The following ARHGEF38 variants were observed in gnomAD, a reference collection of about 807,000 sequenced individuals.
ARHGEF38 encodes the protein Rho guanine nucleotide exchange factor 38, also known as Rho guanine nucleotide exchange factor (GEF) 38.
ARHGEF38 carries 79 observed loss-of-function variants against 79.9 expected under a neutral mutation model. The ratio of observed to expected loss-of-function variants is 0.99; its 90% confidence interval spans 0.82 to 1.19. ARHGEF38 has a LOEUF of 1.19. Among genes scored for constraint, ARHGEF38 ranks in the 50% most tolerant of loss-of-function variants. The pLI, the probability that ARHGEF38 is intolerant of heterozygous loss-of-function variation, is 0.00. For missense variants in ARHGEF38, 962 were observed against 907.2 expected, an observed-to-expected ratio of 1.06 and a Z score of -0.78; for synonymous variants, 366 against 328.3, an observed-to-expected ratio of 1.11 and a Z score of -1.24.
chr4:105,561,439 A>AGAATAGAATAGAATAGAATAGAATG (rs1725557117), intron 1 of ARHGEF38, among the ~76,000 whole-genome samples: 1 of 44,682 alleles, frequency 2.2e-5, no homozygotes, highest in Admixed American at 2.8e-4. Flanking sequence ...AGAATAGAAT[A>AGAATAGAATAGAATAGAATAGAATG]GAATAGAATG....
intron 1 of ARHGEF38, among the ~76,000 whole-genome samples, chr4:105,568,516 T>G (rs939795627): frequency 6.6e-6 from 1 of 152,194 alleles, no homozygotes. Context: ...CTATAAATCA[T>G]GCTGCTATAA....
At chr4:105,641,945 A>T (rs1729635808) in intron 5 of ARHGEF38, among the ~76,000 whole-genome samples, 1 of 152,192 alleles carries the variant, frequency 6.6e-6, no homozygotes, top group South Asian at 2.1e-4. Flanking sequence ...AGTATTTATG[A>T]TAAGACAGAG....
At chr4:105,571,089 CG>C (rs1316219896) in intron 1 of ARHGEF38, among the ~76,000 whole-genome samples, 8 of 152,140 alleles carry the variant, frequency 5.3e-5, no homozygotes, top group Admixed American at 6.5e-5. Context: ...ATTCTGGAGA[CG>C]TTTGGTGGTA....
At chr4:105,578,778 T>C (rs544854643) in intron 1 of ARHGEF38, among the ~76,000 whole-genome samples, 2 of 152,204 alleles carry the variant, frequency 1.3e-5, no homozygotes, top group African/African-American at 2.4e-5. Flanking sequence ...TTTTTTACCA[T>C]GAATTTATAT....
chr4:105,577,099 A>AT (rs58789848), intron 1 of ARHGEF38, among the ~76,000 whole-genome samples: 146,280 of 150,996 alleles, frequency 0.97, 70,857 homozygotes, highest in East Asian at 1. Context: ...TCTTTCTTTA[A>AT]TTTTTTTTAT....
chr4:105,664,350 C>T (rs1374750254), intron 10 of ARHGEF38, among the ~76,000 whole-genome samples: 1 of 152,118 alleles, frequency 6.6e-6, no homozygotes, highest in African/African-American at 2.4e-5. Context: ...AACTACTTTC[C>T]AACTCTTTTA....
intron 2 of ARHGEF38, among the ~76,000 whole-genome samples, chr4:105,606,634 A>C (rs936603077): frequency 6.6e-6 from 1 of 152,112 alleles, no homozygotes; most frequent in African/African-American, 2.4e-5. Context: ...AGCGTGATCT[A>C]TCTAGATTTC....
chr4:105,656,907 G>T (rs184405924), intron 9 of ARHGEF38, among the ~76,000 whole-genome samples: 6 of 152,068 alleles, frequency 3.9e-5, no homozygotes, highest in African/African-American at 1.4e-4. Flanking sequence ...TTCTGGCACT[G>T]GGGAATGGAA....
chr4:105,679,950 T>A lies in ARHGEF38; in HGVS notation c.*2013T>A. On this transcript the variant is annotated 3_prime_UTR_variant, in exon 14 of 14. Coordinates refer to ENST00000420470, the MANE Select transcript of ARHGEF38 (RefSeq NM_001242729.2). ...CCTCTCTGAAGCCTTTTAGTGTAAT[T>A]TCTCTTTGTGACTGTGCAATGTCCC... The A allele has an allele frequency of 7.3e-7, 1 of 1,367,688 alleles. No homozygotes were observed. The highest frequency in any genetic ancestry group is 1.0e-6 in the Non-Finnish European group (1 of 960,692). The allele number at this position is 1,367,688 out of a possible 1,614,324, so 84.7% of individuals were successfully genotyped here. A position where few individuals can be genotyped will look rare whatever the true frequency, so the allele number is the denominator to read the frequency against.
At chr4:105,627,877 A>G (rs1422925922) in intron 3 of ARHGEF38, among the ~76,000 whole-genome samples, 1 of 152,120 alleles carries the variant, frequency 6.6e-6, no homozygotes, top group African/African-American at 2.4e-5. Context: ...AGCAGAATAC[A>G]TTGGTAGGGC....
intron 13 of ARHGEF38, among the ~76,000 whole-genome samples, chr4:105,672,220 A>G (rs1002653808): frequency 6.6e-6 from 1 of 152,194 alleles, no homozygotes; most frequent in South Asian, 2.1e-4. Flanking sequence ...ATATGTACAC[A>G]TCTATGGTAA....
chr4:105,613,546 G>A, intron 3 of ARHGEF38, 39 bp downstream of exon 3: 1 of 1,597,630 alleles, frequency 6.3e-7, no homozygotes, highest in Middle Eastern at 1.7e-4. Flanking sequence ...AATACAACAG[G>A]AAATAATTTT....
chr4:105,609,926 T>C, intron 2 of ARHGEF38, among the ~76,000 whole-genome samples: 1 of 152,158 alleles, frequency 6.6e-6, no homozygotes. Flanking sequence ...ACTGCAGCAC[T>C]GTTTACAATA....
chr4:105,594,508 C>T (rs1000990838), intron 2 of ARHGEF38, among the ~76,000 whole-genome samples: 2 of 152,160 alleles, frequency 1.3e-5, no homozygotes, highest in African/African-American at 2.4e-5. Flanking sequence ...TGGGTATCAT[C>T]GGATTCATCA....
chr4:105,653,747 C>T (rs1224356289), intron 7 of ARHGEF38, among the ~76,000 whole-genome samples: 1 of 152,140 alleles, frequency 6.6e-6, no homozygotes, highest in Non-Finnish European at 1.5e-5. Context: ...ATATGGTTTG[C>T]GTACATACAT....
In ARHGEF38 at chr4:105,628,959, A is replaced by G. The variant is rs192586225; in HGVS notation, c.509-1939A>G. 5.9e-3 allele frequency among the ~76,000 whole-genome samples: 901 copies of G among 152,294 alleles called. 3 individuals carry two copies. Among genetic ancestry groups the G allele is most frequent in the Non-Finnish European group, 9.5e-3 (645 of 68,018 alleles). Reference sequence around the variant, plus strand: ...CTAGTCAGTGGCGGGCACTTTTTATATCTATCACCCCATTTCATTCTCAAA... The same window carrying G: ...CTAGTCAGTGGCGGGCACTTTTTATGTCTATCACCCCATTTCATTCTCAAA... On this transcript the variant is annotated intron_variant, in intron 3 of 13. Transcript: ENST00000420470.
chr4:105,556,236 C>T (rs554721352), intron 1 of ARHGEF38, among the ~76,000 whole-genome samples: 1 of 152,202 alleles, frequency 6.6e-6, no homozygotes, highest in South Asian at 2.1e-4. Context: ...GTTTTAGATG[C>T]TGTGTCTTGA....
intron 5 of ARHGEF38, among the ~76,000 whole-genome samples, chr4:105,641,225 T>C (rs1256152653): frequency 6.6e-6 from 1 of 152,130 alleles, no homozygotes; most frequent in Non-Finnish European, 1.5e-5. Flanking sequence ...ATTAGACACT[T>C]TCTTAAACAG....
intron 2 of ARHGEF38, among the ~76,000 whole-genome samples, chr4:105,610,601 A>G (rs13138544): frequency 0.34 from 51,009 of 151,936 alleles, 12,515 homozygotes; most frequent in African/African-American, 0.69. Flanking sequence ...CGTGTACCAG[A>G]CATTTGTTTG....
Sources: allele counts gnomAD v4.1 joint callset (sites outside exome capture counted in the v4.1 genomes callset), GRCh38; gene constraint gnomAD v4.1.1; transcripts MANE v1.5; gene names NCBI Gene and HGNC (gene_info 2026-07-23, HGNC 2026-07-21).